Variants in LRRC4C observed in about 807,000 individuals in gnomAD.
The protein encoded by LRRC4C is leucine rich repeat containing 4C, also known as leucine-rich repeat-containing protein 4C.
In LRRC4C, 5 loss-of-function variants were observed where a neutral mutation model predicts 33.6. The ratio of observed to expected loss-of-function variants is 0.15; its 90% CI spans 0.08 to 0.31. The LOEUF (loss-of-function observed/expected upper bound fraction) is 0.31. Among genes scored for constraint, LRRC4C ranks in the 10% least tolerant of loss-of-function variants. The pLI, the probability that LRRC4C is intolerant of heterozygous loss-of-function variation, is 1.00. For missense variants in LRRC4C, 560 were observed against 796.7 expected (o/e 0.70, Z 3.58); for synonymous variants, 329 against 302.0 (o/e 1.09, Z -0.93).
At chr11:41,057,511 G>A (rs188416143) in intron 1 of LRRC4C, among the ~76,000 whole-genome samples, 15 of 152,322 alleles carry the variant, frequency 9.8e-5, no homozygotes, top group Admixed American at 9.1e-4. Flanking sequence ...CTGAAAATTG[G>A]GTGCCAGGCT....
At chr11:40,355,977 CAGTATAGT>C (rs1947649110) in intron 3 of LRRC4C, among the ~76,000 whole-genome samples, 1 of 108,126 alleles carries the variant, frequency 9.2e-6, no homozygotes, top group Non-Finnish European at 2.2e-5. Context: ...TAGTATAGTA[CAGTATAGT>C]ATAGTATAGT....
At chr11:40,500,233 A>G (rs1321638710) in intron 3 of LRRC4C, among the ~76,000 whole-genome samples, 1 of 148,838 alleles carries the variant, frequency 6.7e-6, no homozygotes, top group East Asian at 2.0e-4. Flanking sequence ...TGTTAGAAGA[A>G]TTAAGGTAAA....
At chr11:40,903,241 C>T (rs559478702) in intron 2 of LRRC4C, among the ~76,000 whole-genome samples, 2 of 152,294 alleles carry the variant, frequency 1.3e-5, no homozygotes, top group South Asian at 4.1e-4. Flanking sequence ...ACAACAAAGG[C>T]TGGATAGCAG....
In LRRC4C at chr11:41,395,984, G is replaced by A. The variant is rs1050007716; in HGVS notation, c.-496+63447C>T. Reference sequence around the variant, plus strand: ...CCATGGGCCACATGTGGCCCAGGACGGCTTTGAATGCGGCCCAACACAAGG... The same window carrying A: ...CCATGGGCCACATGTGGCCCAGGACAGCTTTGAATGCGGCCCAACACAAGG... On this transcript the variant is annotated intron_variant, in intron 1 of 6. Transcript: ENST00000528697. 9.9e-5 allele frequency among the ~76,000 whole-genome samples: 15 copies of A among 152,010 alleles called. No homozygotes were observed. The South Asian group carries it at 1.0e-3, about 10-fold the overall frequency.
At chr11:40,284,107 A>G (rs936948043) in intron 4 of LRRC4C, among the ~76,000 whole-genome samples, 1 of 152,226 alleles carries the variant, frequency 6.6e-6, no homozygotes, top group Non-Finnish European at 1.5e-5. Context: ...ATGTTTGTGT[A>G]CAGAGGACAG....
chr11:40,352,106 TCTTTCTTCCTTCCTTCCTTCCTTC>T (rs1318082064), intron 3 of LRRC4C, among the ~76,000 whole-genome samples: 2 of 101,478 alleles, frequency 2.0e-5, no homozygotes, highest in Non-Finnish European at 2.1e-5. Context: ...TTTTTTCCTT[TCTTTCTTCCTTCCTTCCTTCCTTC>T]CTTCCTTCCT....
intron 3 of LRRC4C, among the ~76,000 whole-genome samples, chr11:40,412,225 C>T (rs1950180432): frequency 6.6e-6 from 1 of 151,952 alleles, no homozygotes; most frequent in South Asian, 2.1e-4. Flanking sequence ...CAAATAACAA[C>T]AATGGTACAT....
At position 40,963,341 on chromosome 11, in the gene LRRC4C, C is replaced by T. The variant is rs994237182; in HGVS notation, c.-495-29618G>A. Among the ~76,000 whole-genome samples, 4 of 151,728 alleles carry T rather than the reference C, an allele frequency of 2.6e-5. No individual in the cohort carries two copies. In the South Asian group the frequency reaches 8.3e-4, roughly 31 times the overall value. On this transcript the variant is annotated intron_variant, in intron 1 of 6. Transcript: ENST00000528697. ...AGTTCCAGACTGAGTATGTACTGAG[C>T]TTTGGCTACACATATGAACTTAATT... is the stretch of plus-strand genomic sequence containing the variant.
intron 5 of LRRC4C, among the ~76,000 whole-genome samples, chr11:40,157,457 G>A (rs1416633186): frequency 6.6e-6 from 1 of 152,118 alleles, no homozygotes; most frequent in African/African-American, 2.4e-5. Flanking sequence ...GGAACAGTCA[G>A]CAAAGTAACC....
chr11:41,448,167 C>T (rs1292517501), intron 1 of LRRC4C, among the ~76,000 whole-genome samples: 1 of 91,684 alleles, frequency 1.1e-5, no homozygotes, highest in Non-Finnish European at 2.4e-5. Flanking sequence ...TCAGTGTCCA[C>T]AGTATTTCTG....
chr11:40,635,761 C>G (rs1314855595), intron 3 of LRRC4C, among the ~76,000 whole-genome samples: 1 of 150,844 alleles, frequency 6.6e-6, no homozygotes, highest in East Asian at 2.0e-4. Context: ...CTCAGCCTTC[C>G]GAGTAGCTGG....
intron 1 of LRRC4C, among the ~76,000 whole-genome samples, chr11:41,309,348 A>C (rs1290938756): frequency 2.0e-5 from 3 of 152,322 alleles, no homozygotes. Flanking sequence ...TCCACTAAGA[A>C]GGCTGAGGAT....
In LRRC4C at chr11:41,458,173, G is replaced by C. The variant is rs1192254078; in HGVS notation, c.-496+1258C>G. On this transcript the variant is annotated intron_variant, in intron 1 of 6. Transcript: ENST00000528697. ...TCAACAGCTGGAGAGAATCACTTAG[G>C]TATGCTCTTCTCTACCTAGTTAACA... Among the ~76,000 whole-genome samples, 3 of 151,976 alleles carry C rather than the reference G, an allele frequency of 2.0e-5. No homozygotes were observed. In the East Asian group the frequency reaches 5.8e-4, roughly 29 times the overall value.
intron 4 of LRRC4C, among the ~76,000 whole-genome samples, chr11:40,286,922 C>T (rs1272230169): frequency 6.6e-6 from 1 of 152,136 alleles, no homozygotes; most frequent in African/African-American, 2.4e-5. Flanking sequence ...CATTTTAACA[C>T]AATTCTGCCT....
chr11:40,222,430 G>A (rs1864487332), intron 5 of LRRC4C, among the ~76,000 whole-genome samples: 2 of 152,100 alleles, frequency 1.3e-5, no homozygotes. Context: ...CTTCTGAAGG[G>A]AACAGAAATA....
chr11:41,023,836 G>A (rs1227778985), intron 1 of LRRC4C, among the ~76,000 whole-genome samples: 1 of 151,648 alleles, frequency 6.6e-6, no homozygotes, highest in Non-Finnish European at 1.5e-5. Context: ...GGCCTGAGCA[G>A]CAGAAAAAAA....
chr11:40,174,792 T>C (rs377164505), intron 5 of LRRC4C, among the ~76,000 whole-genome samples: 9 of 152,182 alleles, frequency 5.9e-5, no homozygotes, highest in African/African-American at 1.9e-4. Context: ...GATACAGTAT[T>C]TTCCTACTAA....
At chr11:40,486,675 A>G (rs927842004) in intron 3 of LRRC4C, among the ~76,000 whole-genome samples, 1 of 152,046 alleles carries the variant, frequency 6.6e-6, no homozygotes, top group South Asian at 2.1e-4. Flanking sequence ...AACAATTATG[A>G]CACATACAAC....
At position 40,162,246 on chromosome 11, in the gene LRRC4C, C is replaced by T. The variant is rs372099467; in HGVS notation, c.-95-21393G>A. ...TGTTGTCTCTCCACAGGGACTTAGTCTGCTTGACCTTCATTAGCTCATAGG... is the reference window on the plus strand; with the variant it reads ...TGTTGTCTCTCCACAGGGACTTAGTTTGCTTGACCTTCATTAGCTCATAGG... On this transcript the variant is annotated intron_variant, in intron 5 of 6. Coordinates refer to ENST00000528697, the MANE Select transcript of LRRC4C (RefSeq NM_001258419.2). 2.4e-4 allele frequency among the ~76,000 whole-genome samples: 37 copies of T among 152,098 alleles called. 2 individuals carry two copies. Among genetic ancestry groups the T allele is most frequent in the African/African-American group, 8.7e-4 (36 of 41,512 alleles).
Sources: gnomAD v4.1 joint callset for allele counts (sites outside exome capture counted in the v4.1 genomes callset) on GRCh38, gnomAD v4.1.1 for gene constraint, MANE v1.5 for transcripts, NCBI Gene and HGNC (gene_info 2026-07-23, HGNC 2026-07-21) for gene names.